Variants in ABCA13 observed in about 807,000 individuals in gnomAD.
ABCA13 encodes the protein ATP-binding cassette sub-family A member 13.
Under a neutral mutation model 478.7 loss-of-function variants are expected in ABCA13, and 476 were observed. The observed-to-expected ratio is 0.99, with a 90% CI of 0.92 to 1.07. ABCA13 has a LOEUF of 1.07. ABCA13 is among the 50% of genes least tolerant of loss of function. The pLI, the probability that ABCA13 is intolerant of heterozygous loss-of-function variation, is 0.00. For synonymous variants in ABCA13, 2,252 were observed against 2,158.9 expected (o/e 1.04, Z -1.20); for missense variants, 6,060 against 5,910.6 (o/e 1.03, Z -0.83).
At chr7:48,309,033 G>GCACACACACACACA (rs10523187) in intron 23 of ABCA13, among the ~76,000 whole-genome samples, 3,715 of 138,074 alleles carry the variant, frequency 0.027, 90 homozygotes, top group Non-Finnish European at 0.03. Context: ...ACACATGACT[G>GCACACACACACACA]CACACACACA....
intron 48 of ABCA13, among the ~76,000 whole-genome samples, chr7:48,501,989 AC>A (rs1225302830): frequency 9.9e-5 from 15 of 152,192 alleles, no homozygotes; most frequent in African/African-American, 3.6e-4. Flanking sequence ...CTTCTGGAAC[AC>A]AAGGGCCTGT....
At chr7:48,414,147 CG>C (rs1819637831) in intron 41 of ABCA13, among the ~76,000 whole-genome samples, 1 of 152,182 alleles carries the variant, frequency 6.6e-6, no homozygotes. Context: ...CCAAAGGATG[CG>C]GTCACTACAT....
intron 3 of ABCA13, among the ~76,000 whole-genome samples, chr7:48,210,824 A>T (rs1229076723): frequency 6.6e-6 from 1 of 152,070 alleles, no homozygotes; most frequent in East Asian, 1.9e-4. Flanking sequence ...TAGCTGTTGG[A>T]TGGAATGTTC....
rs1290234871 is a variant in ABCA13, at chr7:48,274,574, G to A, written c.4908G>A (p.Arg1636=). 7 of 1,613,692 alleles carry A rather than the reference G, an allele frequency of 4.3e-6. No individual in the cohort carries two copies. Among genetic ancestry groups the A allele is most frequent in the Non-Finnish European group, 2.5e-6 (3 of 1,179,830 alleles). Residue 1636 remains arginine, a synonymous_variant, in exon 17 of 62, where the codon AGG becomes AGA. Coordinates refer to ENST00000435803, the MANE Select transcript of ABCA13 (RefSeq NM_152701.5). ...CAGGTCTTGGTATTCAACTGATAAG[G>A]GATGTGTTCAACTCCTTAATGCCTG... The part of the protein sequence containing the change: ...KATGLGIQLI[R]DVFNSLMPVV...
chr7:48,611,320 TCTC>T (rs1792003034), intron 58 of ABCA13, among the ~76,000 whole-genome samples: 1 of 152,134 alleles, frequency 6.6e-6, no homozygotes, highest in Admixed American at 6.5e-5. Flanking sequence ...TTTCCCATCT[TCTC>T]CTGAGCCCTC....
intron 48 of ABCA13, among the ~76,000 whole-genome samples, chr7:48,492,767 T>C (rs1376266653): frequency 2.0e-5 from 3 of 152,194 alleles, no homozygotes; most frequent in Non-Finnish European, 2.9e-5. Flanking sequence ...GGCTCATTCC[T>C]GTAACCCCAG....
intron 55 of ABCA13, among the ~76,000 whole-genome samples, chr7:48,573,633 C>G (rs959708075): frequency 6.6e-6 from 1 of 152,088 alleles, no homozygotes; most frequent in Non-Finnish European, 1.5e-5. Flanking sequence ...ACTTGGGAGG[C>G]TGAGGTGGGA....
At chr7:48,346,797 G>A (rs540667758) in intron 29 of ABCA13, among the ~76,000 whole-genome samples, 169 of 152,280 alleles carry the variant, frequency 1.1e-3, no homozygotes, top group African/African-American at 3.8e-3. Flanking sequence ...ACTATCTAAT[G>A]TGAAACAAGA....
chr7:48,322,303 T>A (rs1377897390), intron 27 of ABCA13, among the ~76,000 whole-genome samples: 1 of 152,222 alleles, frequency 6.6e-6, no homozygotes, highest in Non-Finnish European at 1.5e-5. Context: ...CTTCCCATGC[T>A]GCTCAAGATG....
chr7:48,323,979 A>T (rs1803918578), intron 27 of ABCA13, among the ~76,000 whole-genome samples: 2 of 152,190 alleles, frequency 1.3e-5, no homozygotes, highest in South Asian at 4.1e-4. Flanking sequence ...TTCTGCCAAG[A>T]TTATGAGGCC....
At chr7:48,594,217 G>A (rs1039105915) in intron 57 of ABCA13, among the ~76,000 whole-genome samples, 2 of 151,968 alleles carry the variant, frequency 1.3e-5, no homozygotes, top group African/African-American at 2.4e-5. Context: ...TGGATAATGT[G>A]CCATAAACCC....
chr7:48,587,993 C>T (rs1217656258), intron 57 of ABCA13, among the ~76,000 whole-genome samples: 1 of 152,194 alleles, frequency 6.6e-6, no homozygotes, highest in Non-Finnish European at 1.5e-5. Context: ...CATCTTTGGA[C>T]TTCACACCAG....
At chr7:48,644,589 CTTTTTT>C (rs71006572) in intron 60 of ABCA13, 22 bp from the exon 61 acceptor site, 1,608 of 1,408,588 alleles carry the variant, frequency 1.1e-3, no homozygotes, top group South Asian at 2.8e-3. Context: ...TTATATGATA[CTTTTTT>C]TTTTTTTTTT....
rs1047202921 is a variant in ABCA13 at position 48,275,898 on chromosome 7, C to G, written c.6232C>G (p.Leu2078Val). Residue 2078 changes from leucine to valine, a missense_variant, in exon 17 of 62, where the codon CTG becomes GTG. By Grantham distance (32) the Leu-to-Val change is conservative (BLOSUM62 1). Around this residue, in one of 3 missense-constraint regions of ABCA13, gnomAD observed 4,423 missense variants for 4,309.1 expected, o/e 1.03. Transcript: ENST00000435803. The stretch of plus-strand genomic sequence containing the variant: ...AACCCAAGATTTTAGAATCAGACAC[C>G]TGCTTTCTGAAATGAACAAAGGAAT... The part of the protein sequence containing the change: ...DLTQDFRIRH[L>V]LSEMNKGIKS... 6.2e-7 allele frequency: 1 copy of G among 1,613,438 alleles called. No homozygotes were observed. The highest frequency in any genetic ancestry group is 8.5e-7 in the Non-Finnish European group (1 of 1,179,816).
At chr7:48,190,418 A>G (rs963593415) in intron 1 of ABCA13, among the ~76,000 whole-genome samples, 1 of 152,230 alleles carries the variant, frequency 6.6e-6, no homozygotes, top group Non-Finnish European at 1.5e-5. Flanking sequence ...ACCAAAATTC[A>G]TGCTACACAT....
At chr7:48,446,222 C>T (rs1008774798) in intron 42 of ABCA13, among the ~76,000 whole-genome samples, 9 of 152,204 alleles carry the variant, frequency 5.9e-5, no homozygotes, top group African/African-American at 2.2e-4. Context: ...TTAAGGAGCA[C>T]CCCAAGTTCC....
At chr7:48,190,913 T>C (rs941441221) in intron 1 of ABCA13, among the ~76,000 whole-genome samples, 6 of 152,204 alleles carry the variant, frequency 3.9e-5, no homozygotes, top group African/African-American at 1.2e-4. Flanking sequence ...AAAAGTTATA[T>C]GAGTCTTGGT....
chr7:48,416,126 T>G (rs113258663), intron 41 of ABCA13, among the ~76,000 whole-genome samples: 159 of 152,336 alleles, frequency 1.0e-3, no homozygotes, highest in African/African-American at 3.7e-3. Flanking sequence ...CGTATTATCT[T>G]CAGAATCTTT....
At chr7:48,383,595 A>G (rs946858703) in intron 35 of ABCA13, among the ~76,000 whole-genome samples, 13 of 152,256 alleles carry the variant, frequency 8.5e-5, no homozygotes, top group African/African-American at 2.7e-4. Context: ...TAGAATGTGC[A>G]TGTATGAAAT....
Sources: allele counts gnomAD v4.1 joint callset (sites outside exome capture counted in the v4.1 genomes callset), GRCh38; gene constraint gnomAD v4.1.1; regional missense constraint gnomAD v4.1.1; transcripts MANE v1.5; gene names NCBI Gene and HGNC (gene_info 2026-07-23, HGNC 2026-07-21).